The following IRAK2 variants were observed in gnomAD, a reference collection of about 807,000 sequenced individuals.
IRAK2 encodes the protein interleukin 1 receptor associated kinase 2, also known as interleukin-1 receptor-associated kinase-like 2.
In IRAK2, 57 loss-of-function variants were observed where a neutral mutation model predicts 72.0. The ratio of observed to expected loss-of-function variants is 0.79; its 90% CI spans 0.64 to 0.99. The LOEUF is 0.99. Among genes scored for constraint, IRAK2 ranks in the 50% least tolerant of loss-of-function variants. IRAK2 has a pLI of 0.00. For synonymous variants in IRAK2, 293 were observed against 312.7 expected (o/e 0.94, Z 0.67); for missense variants, 790 against 794.4 (o/e 0.99, Z 0.07).
At chr3:10,241,801 CAAAAA>C (rs4019566) in intron 12 of IRAK2, among the ~76,000 whole-genome samples, 7 of 83,136 alleles carry the variant, frequency 8.4e-5, no homozygotes, top group African/African-American at 2.4e-4. Flanking sequence ...GACTCCATCT[CAAAAA>C]AAAAAAAAAA....
chr3:10,199,839 G>A lies in IRAK2; in HGVS notation c.278-530G>A, dbSNP rs557631440. Among the ~76,000 whole-genome samples the A allele has an allele frequency of 1.2e-4, 18 of 151,638 alleles. No homozygotes were observed. The South Asian group carries it at 2.5e-3, about 21-fold the overall frequency. ...GAAGCAGGTGTATGTGACTTAGCAC[G>A]TCAGAGCTCCACCTTCACCAGGACT... On this transcript the variant is annotated intron_variant, in intron 2 of 12. Coordinates refer to ENST00000256458, the MANE Select transcript of IRAK2 (RefSeq NM_001570.4).
intron 2 of IRAK2, among the ~76,000 whole-genome samples, chr3:10,197,048 C>G (rs1011789463): frequency 1.3e-5 from 2 of 151,868 alleles, no homozygotes; most frequent in African/African-American, 2.4e-5. Context: ...TTGAAAAATT[C>G]TATGATATGA....
chr3:10,205,424 G>A (rs1487170855), intron 3 of IRAK2, among the ~76,000 whole-genome samples: 4 of 152,210 alleles, frequency 2.6e-5, no homozygotes, highest in Admixed American at 1.3e-4. Flanking sequence ...TAGCCCTCAT[G>A]TGTCGCAGGA....
intron 2 of IRAK2, among the ~76,000 whole-genome samples, chr3:10,189,075 T>C (rs1697131788): frequency 6.6e-6 from 1 of 152,220 alleles, no homozygotes; most frequent in African/African-American, 2.4e-5. Context: ...AGATGAATTA[T>C]AAGAAGCTAA....
intron 2 of IRAK2, among the ~76,000 whole-genome samples, 178 bp from the exon 3 acceptor site, chr3:10,200,191 C>A (rs696041): frequency 6.6e-6 from 1 of 151,974 alleles, no homozygotes; most frequent in Non-Finnish European, 1.5e-5. Context: ...CCTGGTCTAC[C>A]GCATTTTACA....
rs766935058 is a variant in IRAK2, at chr3:10,195,798, G to A, written c.278-4571G>A. On this transcript the variant is annotated intron_variant, in intron 2 of 12. Coordinates refer to ENST00000256458, the MANE Select transcript of IRAK2 (RefSeq NM_001570.4). ...GGAAGTGACTTCAGCGAGCCCAGCCGGCCCTGAGCCAGGGGAGCCACTGCT... is the reference window on the plus strand; with the variant it reads ...GGAAGTGACTTCAGCGAGCCCAGCCAGCCCTGAGCCAGGGGAGCCACTGCT... Among the ~76,000 whole-genome samples the A allele has an allele frequency of 4.0e-4, 61 of 152,256 alleles. 1 individual carries two copies. Among genetic ancestry groups the A allele is most frequent in the Admixed American group, 9.8e-4 (15 of 15,304 alleles).
At chr3:10,194,168 C>T (rs1413405382) in intron 2 of IRAK2, among the ~76,000 whole-genome samples, 2 of 152,158 alleles carry the variant, frequency 1.3e-5, no homozygotes, top group Non-Finnish European at 2.9e-5. Context: ...ACAGGAGAGG[C>T]GCATGAAGCT....
rs461127 is a variant in IRAK2 at position 10,198,225 on chromosome 3, C to A, written c.278-2144C>A. 4.0e-3 allele frequency among the ~76,000 whole-genome samples: 613 copies of A among 151,850 alleles called. 3 individuals are homozygous for A. The highest frequency in any genetic ancestry group is 0.02 in the Middle Eastern group (6 of 294). ...AAAAACAAAACAAAACAAAACAAAACGAAAATTTATTTAAAATGTCAGTGA... is the reference window on the plus strand; with the variant it reads ...AAAAACAAAACAAAACAAAACAAAAAGAAAATTTATTTAAAATGTCAGTGA... On this transcript the variant is annotated intron_variant, in intron 2 of 12. Coordinates refer to ENST00000256458, the MANE Select transcript of IRAK2 (RefSeq NM_001570.4).
chr3:10,165,035 C>A lies in IRAK2; in HGVS notation c.81C>A (p.Asp27Glu), dbSNP rs1696657064. ...ACATGGACGCGCTCAGCGAGTGGGA[C>A]TGGATGGAGTTCGGTGAGTGCGGCC... ...CRNMDALSEW[D>E]WMEFASYVIT... The change falls in exon 1 of 13, where the codon GAC becomes GAA. Residue 27 changes from aspartate (D) to glutamate (E), a missense_variant. Physicochemically the swap from Asp to Glu is conservative, Grantham distance 45 (BLOSUM62 2). Transcript: ENST00000256458. 3.1e-6 allele frequency: 5 copies of A among 1,611,118 alleles called. No individual in the cohort carries two copies. The highest frequency in any genetic ancestry group is 4.2e-6 in the Non-Finnish European group (5 of 1,179,382).
intron 4 of IRAK2, among the ~76,000 whole-genome samples, chr3:10,210,602 A>G (rs1404132792): frequency 6.6e-6 from 1 of 151,656 alleles, no homozygotes; most frequent in African/African-American, 2.4e-5. Context: ...AAGCTCTTCC[A>G]TGTCCCAGGT....
At chr3:10,188,911 T>C (rs900876230) in intron 2 of IRAK2, among the ~76,000 whole-genome samples, 1 of 152,260 alleles carries the variant, frequency 6.6e-6, no homozygotes, top group Admixed American at 6.5e-5. Flanking sequence ...TCCACCCGCC[T>C]TGGCCTCCCA....
chr3:10,238,678 A>C, intron 11 of IRAK2, 70 bp from the exon 12 acceptor site: 6 of 1,438,134 alleles, frequency 4.2e-6, no homozygotes, highest in East Asian at 2.3e-5. Flanking sequence ...CTCTGCTGGG[A>C]GGCCAGATGT....
chr3:10,229,235 C>T (rs1002957267), intron 10 of IRAK2, among the ~76,000 whole-genome samples: 1 of 152,052 alleles, frequency 6.6e-6, no homozygotes, highest in African/African-American at 2.4e-5. Context: ...GCCACTGCGC[C>T]TGGCCAAATT....
intron 6 of IRAK2, among the ~76,000 whole-genome samples, chr3:10,215,971 C>T (rs1405952102): frequency 6.6e-6 from 1 of 152,120 alleles, no homozygotes; most frequent in African/African-American, 2.4e-5. Context: ...GGTTTATGGT[C>T]CAGTGGGGAG....
intron 3 of IRAK2, among the ~76,000 whole-genome samples, chr3:10,203,377 A>C (rs1697391694): frequency 6.6e-6 from 1 of 152,248 alleles, no homozygotes; most frequent in Non-Finnish European, 1.5e-5. Flanking sequence ...AGGCAGAGAC[A>C]GGAAGTTGAT....
intron 3 of IRAK2, among the ~76,000 whole-genome samples, chr3:10,206,602 T>G (rs914093989): frequency 6.6e-6 from 1 of 152,160 alleles, no homozygotes; most frequent in African/African-American, 2.4e-5. Context: ...GTTGCCCAGG[T>G]TGGAGTGCAG....
Position 10,204,622 on chromosome 3 carries a change from G to A in IRAK2, c.424+4107G>A, listed in dbSNP as rs368299406. On this transcript the variant is annotated intron_variant, in intron 3 of 12. Transcript: ENST00000256458. ...AAATTAGCTAGGCATGGTCTCAGGC[G>A]CCTGTAATCCCAGCTACTTGGGAGG... Among the ~76,000 whole-genome samples the A allele has an allele frequency of 2.6e-4, 39 of 152,218 alleles. 1 individual carries two copies. The highest frequency in any genetic ancestry group is 2.3e-3 in the East Asian group (12 of 5,184).
chr3:10,180,163 G>T (rs542990709), intron 2 of IRAK2, among the ~76,000 whole-genome samples: 2 of 152,236 alleles, frequency 1.3e-5, no homozygotes, highest in East Asian at 3.9e-4. Context: ...TCAGCAGAAG[G>T]CAGTGGGGAT....
At chr3:10,210,842 T>C (rs1247494997) in intron 4 of IRAK2, among the ~76,000 whole-genome samples, 1 of 152,180 alleles carries the variant, frequency 6.6e-6, no homozygotes, top group African/African-American at 2.4e-5. Context: ...TGAGATCCTG[T>C]GTCTACAAAA....
Sources: allele counts gnomAD v4.1 joint callset (sites outside exome capture counted in the v4.1 genomes callset), GRCh38; gene constraint gnomAD v4.1.1; transcripts MANE v1.5; gene names NCBI Gene and HGNC (gene_info 2026-07-23, HGNC 2026-07-21).